Variants in XPR1 observed in about 807,000 individuals in gnomAD.
XPR1 encodes solute carrier family 53 member 1.
XPR1 carries 28 observed loss-of-function variants against 87.5 expected under a neutral mutation model. That is an observed-to-expected ratio of 0.32 (90% CI 0.24 to 0.44). The LOEUF is 0.44. XPR1 is among the 20% of genes least tolerant of loss of function. The pLI, the probability that XPR1 is intolerant of heterozygous loss-of-function variation, is 1.00. For synonymous variants in XPR1, 300 were observed against 306.1 expected, an observed-to-expected ratio of 0.98 and a Z score of 0.21; for missense variants, 559 against 862.3, an observed-to-expected ratio of 0.65 and a Z score of 4.41.
intron 11 of XPR1, among the ~76,000 whole-genome samples, chr1:180,840,019 C>A (rs1426079274): frequency 6.6e-6 from 1 of 151,392 alleles, no homozygotes; most frequent in Non-Finnish European, 1.5e-5. Flanking sequence ...GTCAGGAGAT[C>A]GAGACCATCC....
intron 1 of XPR1, among the ~76,000 whole-genome samples, chr1:180,673,169 G>A (rs796460748): frequency 6.6e-6 from 1 of 152,260 alleles, no homozygotes; most frequent in African/African-American, 2.4e-5. Context: ...AAACCCATTT[G>A]TGCCTTGGAA....
intron 2 of XPR1, among the ~76,000 whole-genome samples, chr1:180,703,346 T>C (rs917719093): frequency 6.6e-6 from 1 of 152,104 alleles, no homozygotes; most frequent in Non-Finnish European, 1.5e-5. Flanking sequence ...CTAGACATCA[T>C]ATATGTATGT....
At chr1:180,659,644 G>A (rs1266599758) in intron 1 of XPR1, among the ~76,000 whole-genome samples, 2 of 120,456 alleles carry the variant, frequency 1.7e-5, no homozygotes, top group African/African-American at 3.3e-5. Context: ...TCAGCCTCCC[G>A]AGTAGCTGGG....
intron 1 of XPR1, among the ~76,000 whole-genome samples, chr1:180,659,453 CCCTCCCTT>C (rs751171524): frequency 0.08 from 9,007 of 111,960 alleles, 620 homozygotes; most frequent in African/African-American, 0.16. Flanking sequence ...CCTCCTTCTT[CCCTCCCTT>C]CCTCCCTTCC....
In XPR1 at chr1:180,865,047, A is replaced by G. The variant is rs1385977856; in HGVS notation, c.1668+1173A>G. Among the ~76,000 whole-genome samples, 12 of 152,300 alleles carry G rather than the reference A, an allele frequency of 7.9e-5. No homozygotes were observed. In the South Asian group the frequency reaches 1.9e-3, roughly 24 times the overall value. Reference sequence around the variant, plus strand: ...CTTAAAATTGTATTTGGAAAAGTGTATGGATGTGTAATATTCAATTGGTAA... The same window carrying G: ...CTTAAAATTGTATTTGGAAAAGTGTGTGGATGTGTAATATTCAATTGGTAA... On this transcript the variant is annotated intron_variant, in intron 12 of 14. Coordinates refer to ENST00000367590, the MANE Select transcript of XPR1 (RefSeq NM_004736.4).
chr1:180,843,697 T>A (rs568324252), intron 11 of XPR1, among the ~76,000 whole-genome samples: 174 of 141,694 alleles, frequency 1.2e-3, no homozygotes, highest in African/African-American at 4.1e-3. Context: ...GAAAAGTCTT[T>A]AAAAAAAAAA....
chr1:180,664,620 A>T (rs1655897420), intron 1 of XPR1, among the ~76,000 whole-genome samples: 1 of 152,112 alleles, frequency 6.6e-6, no homozygotes, highest in South Asian at 2.1e-4. Flanking sequence ...GAGACAGATG[A>T]CATGAGCACC....
intron 2 of XPR1, among the ~76,000 whole-genome samples, chr1:180,724,131 T>C (rs1658262053): frequency 1.3e-5 from 2 of 152,144 alleles, no homozygotes; most frequent in Non-Finnish European, 2.9e-5. Flanking sequence ...AGAATACTTA[T>C]CTAATGTGAG....
chr1:180,705,451 T>G (rs1657524715), intron 2 of XPR1, among the ~76,000 whole-genome samples: 1 of 152,218 alleles, frequency 6.6e-6, no homozygotes, highest in African/African-American at 2.4e-5. Context: ...AAACAAAGTG[T>G]TGGAAATGTA....
intron 11 of XPR1, among the ~76,000 whole-genome samples, chr1:180,854,334 C>G (rs1054718533): frequency 1.3e-5 from 2 of 152,314 alleles, no homozygotes; most frequent in Admixed American, 1.3e-4. Flanking sequence ...GGGTTAGCTC[C>G]GCATACATAT....
chr1:180,807,110 A>T (rs2102124291), intron 6 of XPR1, among the ~76,000 whole-genome samples: 1 of 152,298 alleles, frequency 6.6e-6, no homozygotes, highest in South Asian at 2.1e-4. Flanking sequence ...TTATTATCAT[A>T]CTCAATGGTA....
At chr1:180,703,828 A>C (rs1657447275) in intron 2 of XPR1, among the ~76,000 whole-genome samples, 1 of 152,210 alleles carries the variant, frequency 6.6e-6, no homozygotes, top group African/African-American at 2.4e-5. Context: ...AACTGAAATG[A>C]ATTAATCTGG....
At chr1:180,788,413 A>T (rs951054528) in intron 3 of XPR1, among the ~76,000 whole-genome samples, 3 of 152,166 alleles carry the variant, frequency 2.0e-5, no homozygotes, top group Non-Finnish European at 2.9e-5. Context: ...CAATGTCTTT[A>T]TAGTGAAAAA....
At chr1:180,791,267 G>GT (rs944056017) in intron 3 of XPR1, among the ~76,000 whole-genome samples, 15 of 151,820 alleles carry the variant, frequency 9.9e-5, no homozygotes, top group East Asian at 3.9e-4. Flanking sequence ...TAGATACTTT[G>GT]TTTTTTTTGT....
chr1:180,822,014 A>T (rs1318318522), intron 7 of XPR1, among the ~76,000 whole-genome samples: 1 of 152,174 alleles, frequency 6.6e-6, no homozygotes, highest in Admixed American at 6.5e-5. Flanking sequence ...ATGTAAAACT[A>T]TATATCATTT....
At chr1:180,774,094 CTT>C (rs1648617637) in intron 2 of XPR1, among the ~76,000 whole-genome samples, 1 of 152,046 alleles carries the variant, frequency 6.6e-6, no homozygotes, top group African/African-American at 2.4e-5. Flanking sequence ...GGAAGAGTGT[CTT>C]TATCAGACAA....
intron 2 of XPR1, among the ~76,000 whole-genome samples, chr1:180,696,165 G>GGCGT (rs1199216725): frequency 4.9e-5 from 5 of 102,976 alleles, no homozygotes; most frequent in Non-Finnish European, 9.6e-5. Flanking sequence ...TTTATTCCTG[G>GGCGT]GTGTGTGTGT....
At chr1:180,777,324 T>C (rs1430828331) in intron 2 of XPR1, among the ~76,000 whole-genome samples, 1 of 152,232 alleles carries the variant, frequency 6.6e-6, no homozygotes, top group Non-Finnish European at 1.5e-5. Context: ...TTGATCATAC[T>C]ATTCTCTCTG....
chr1:180,672,599 A>G (rs1401659059), intron 1 of XPR1, among the ~76,000 whole-genome samples: 1 of 152,146 alleles, frequency 6.6e-6, no homozygotes, highest in Non-Finnish European at 1.5e-5. Flanking sequence ...GTATTAGGAA[A>G]ACATTTATAA....
Sources: gnomAD v4.1 joint callset for allele counts (sites outside exome capture counted in the v4.1 genomes callset) on GRCh38, gnomAD v4.1.1 for gene constraint, MANE v1.5 for transcripts, NCBI Gene and HGNC (gene_info 2026-07-23, HGNC 2026-07-21) for gene names.